Variants in RYR2 observed in about 807,000 individuals in gnomAD.
RYR2 encodes the protein ryanodine receptor 2, also known as cardiac muscle ryanodine receptor-calcium release channel.
A neutral mutation model predicts 601.1 loss-of-function variants in RYR2; 227 were observed. The observed-to-expected ratio is 0.38, with a 90% CI of 0.34 to 0.42. The LOEUF is 0.42. RYR2 is among the 10% of genes least tolerant of loss of function. RYR2 has a pLI of 1.00. For missense variants in RYR2, 4,646 were observed against 6,156.5 expected (o/e 0.75, Z 8.21); for synonymous variants, 2,223 against 2,175.1 (o/e 1.02, Z -0.61).
chr1:237,630,982 TACTG>T (rs1300266860), intron 41 of RYR2, among the ~76,000 whole-genome samples: 2 of 152,134 alleles, frequency 1.3e-5, no homozygotes, highest in African/African-American at 4.8e-5. Flanking sequence ...TATACACAAA[TACTG>T]AATGTAATAC....
At chr1:237,569,082 G>T in intron 28 of RYR2, 63 bp from the exon 29 acceptor site, 1 of 1,483,642 alleles carries the variant, frequency 6.7e-7, no homozygotes, top group South Asian at 1.3e-5. Flanking sequence ...GTGACAGAGT[G>T]GTGGGTGGGT....
Position 237,657,654 on chromosome 1 carries a change from T to C in RYR2, c.8130-290T>C, listed in dbSNP as rs139088766. On this transcript the variant is annotated intron_variant, in intron 53 of 104. Transcript: ENST00000366574. The stretch of plus-strand genomic sequence containing the variant: ...CTAATCTTTGAATGTATTTTAATTA[T>C]TTCAATTTATATATTTAATAATAAT... Among the ~76,000 whole-genome samples, 1,335 of 151,462 alleles carry C rather than the reference T, an allele frequency of 8.8e-3. 19 individuals carry two copies. The highest frequency in any genetic ancestry group is 0.03 in the African/African-American group (1,246 of 41,498).
At position 237,631,613 on chromosome 1, in the gene RYR2, A is replaced by ATTTTTTTTTTTTTTTTTTTTTTTTTTT. The variant is rs556269614; in HGVS notation, c.6555+78_6555+104dup. Reference sequence around the variant, plus strand: ...GTATATAGATTGATATAGAATGCAGATTTTTTTTTTTTTTTTTTTTTTTTT... The same window carrying ATTTTTTTTTTTTTTTTTTTTTTTTTTT: ...GTATATAGATTGATATAGAATGCAGATTTTTTTTTTTTTTTTTTTTTTTTTTTTTTTTTTTTTTTTTTTTTTTTTTTT... On this transcript the variant is annotated intron_variant, in intron 42 of 104. Coordinates refer to ENST00000366574, the MANE Select transcript of RYR2 (RefSeq NM_001035.3). 3.7e-5 allele frequency: 7 copies of ATTTTTTTTTTTTTTTTTTTTTTTTTTT among 191,282 alleles called. 3 individuals carry two copies. In the African/African-American group the frequency reaches 4.8e-4, roughly 13 times the overall value. 11.8% of individuals were successfully genotyped at this position (191,282 alleles called of 1,614,324 possible).
chr1:237,423,185 T>C lies in RYR2; in HGVS notation c.942T>C (p.Leu314=), dbSNP rs1197359580. Residue 314 remains leucine (L), a synonymous_variant, in exon 12 of 105, where the codon CTT becomes CTC. Coordinates refer to ENST00000366574, the MANE Select transcript of RYR2 (RefSeq NM_001035.3). ...KYLSLMEDKN[L]LLMDKEKADV... ...TGAGTCTCATGGAAGACAAAAACCT[T>C]CTACTCATGGACAAAGAGAAAGCTG... is the stretch of plus-strand genomic sequence containing the variant. The C allele has an allele frequency of 4.3e-6, 7 of 1,613,690 alleles. No individual in the cohort carries two copies. In the East Asian group the frequency reaches 1.3e-4, roughly 31 times the overall value.
At chr1:237,318,151 A>G (rs1695288480) in intron 2 of RYR2, among the ~76,000 whole-genome samples, 1 of 143,500 alleles carries the variant, frequency 7.0e-6, no homozygotes, top group Non-Finnish European at 1.5e-5. Flanking sequence ...AATATGTGTT[A>G]TTTTAATTCA....
chr1:237,218,712 T>G (rs1683454909), intron 1 of RYR2, among the ~76,000 whole-genome samples: 1 of 151,842 alleles, frequency 6.6e-6, no homozygotes, highest in Non-Finnish European at 1.5e-5. Flanking sequence ...CAGAGGGGAG[T>G]TATCACAAAG....
intron 12 of RYR2, among the ~76,000 whole-genome samples, chr1:237,433,725 A>G (rs549371645): frequency 6.6e-6 from 1 of 152,276 alleles, no homozygotes; most frequent in South Asian, 2.1e-4. Flanking sequence ...TACTTCTGCC[A>G]CATTTCCCAT....
chr1:237,665,291 C>T (rs1039158336), intron 56 of RYR2, among the ~76,000 whole-genome samples: 4 of 149,310 alleles, frequency 2.7e-5, no homozygotes, highest in South Asian at 4.3e-4. Context: ...CCCAGCTACT[C>T]GGGAGGCTGA....
At position 237,612,704 on chromosome 1, in the gene RYR2, T is replaced by C. The variant is rs146677105; in HGVS notation, c.4911-1335T>C. 1.2e-3 allele frequency among the ~76,000 whole-genome samples: 176 copies of C among 152,322 alleles called. 1 individual carries two copies. Among genetic ancestry groups the C allele is most frequent in the African/African-American group, 4.1e-3 (169 of 41,568 alleles). ...AAACACAACATTTGGGAAGGAATTCTTGTTTATGAAGGAAAACGTTGTGTC... is the reference window on the plus strand; with the variant it reads ...AAACACAACATTTGGGAAGGAATTCCTGTTTATGAAGGAAAACGTTGTGTC... On this transcript the variant is annotated intron_variant, in intron 36 of 104. Transcript: ENST00000366574.
chr1:237,083,096 C>T (rs184369483), intron 1 of RYR2, among the ~76,000 whole-genome samples: 45 of 152,266 alleles, frequency 3.0e-4, no homozygotes, highest in African/African-American at 1.1e-3. Context: ...CACAAGTCCC[C>T]TTTCAGAAGT....
chr1:237,486,613 C>G lies in RYR2; in HGVS notation c.1709-5193C>G, dbSNP rs183372248. The stretch of plus-strand genomic sequence containing the variant: ...ATGTTACTGGCCTTTTGTTGTCAGG[C>G]CTCATTAAGTTGCATGAATTGACTA... On this transcript the variant is annotated intron_variant, in intron 17 of 104. Transcript: ENST00000366574. 1.8e-3 allele frequency among the ~76,000 whole-genome samples: 275 copies of G among 152,202 alleles called. 1 individual carries two copies. Among genetic ancestry groups the G allele is most frequent in the Non-Finnish European group, 3.3e-3 (227 of 67,996 alleles).
intron 25 of RYR2, among the ~76,000 whole-genome samples, chr1:237,534,449 C>T (rs918166839): frequency 1.3e-5 from 2 of 151,914 alleles, no homozygotes; most frequent in Non-Finnish European, 2.9e-5. Flanking sequence ...AAAATATAAA[C>T]ACACACCAAT....
chr1:237,789,800 G>T (rs1464331419), intron 92 of RYR2, among the ~76,000 whole-genome samples: 2 of 152,184 alleles, frequency 1.3e-5, no homozygotes, highest in Non-Finnish European at 2.9e-5. Context: ...GCATGCACAT[G>T]ACCAGTCATG....
intron 16 of RYR2, among the ~76,000 whole-genome samples, chr1:237,457,761 T>G (rs148522065): frequency 6.6e-6 from 1 of 152,274 alleles, no homozygotes; most frequent in East Asian, 1.9e-4. Context: ...AGCCTTCCAA[T>G]GACAAATTTG....
chr1:237,347,493 G>A (rs566352296), intron 3 of RYR2, among the ~76,000 whole-genome samples: 1 of 152,198 alleles, frequency 6.6e-6, no homozygotes, highest in African/African-American at 2.4e-5. Flanking sequence ...ATATAATGTG[G>A]ATTTCATTTA....
intron 1 of RYR2, among the ~76,000 whole-genome samples, chr1:237,071,326 C>T (rs1016309100): frequency 2.6e-5 from 4 of 151,876 alleles, no homozygotes; most frequent in Admixed American, 6.6e-5. Context: ...TGGATTCAAG[C>T]GATTCTCCTG....
rs74554222 is a variant in RYR2, at chr1:237,702,637, G to A, written c.9449+578G>A. Reference sequence around the variant, plus strand: ...AAGATTTAATTATGAATAGATATAAGTTCTCCCAAAATTAACCTGTAATTA... The same window carrying A: ...AAGATTTAATTATGAATAGATATAAATTCTCCCAAAATTAACCTGTAATTA... On this transcript the variant is annotated intron_variant, in intron 66 of 104. Coordinates refer to ENST00000366574, the MANE Select transcript of RYR2 (RefSeq NM_001035.3). Among the ~76,000 whole-genome samples the A allele has an allele frequency of 6.4e-3, 978 of 152,132 alleles. 32 individuals are homozygous for A. Among genetic ancestry groups the A allele is most frequent in the East Asian group, 0.045 (232 of 5,172 alleles).
At chr1:237,741,311 G>A (rs374113434) in intron 79 of RYR2, among the ~76,000 whole-genome samples, 2 of 152,056 alleles carry the variant, frequency 1.3e-5, no homozygotes, top group African/African-American at 4.8e-5. Context: ...CCCATCCCCA[G>A]TTCATCTCCA....
intron 79 of RYR2, among the ~76,000 whole-genome samples, chr1:237,736,238 A>G (rs1426899710): frequency 6.6e-6 from 1 of 152,086 alleles, no homozygotes; most frequent in Non-Finnish European, 1.5e-5. Context: ...AGGCGGATGG[A>G]TCATTTGAGA....
Sources: allele counts gnomAD v4.1 joint callset (sites outside exome capture counted in the v4.1 genomes callset), GRCh38; gene constraint gnomAD v4.1.1; transcripts MANE v1.5; gene names NCBI Gene and HGNC (gene_info 2026-07-23, HGNC 2026-07-21).